ARL17A: variants seen among roughly 807,000 people sequenced by gnomAD.
ARL17A encodes the protein ADP-ribosylation factor-like 17-like.
At chr17:46,572,970 AAAGGGAGGGAGGGAGGGAGGGAGGGAGG>A (rs1354290146) in intron 2 of ARL17A, among the ~76,000 whole-genome samples, 4 of 24,142 alleles carry the variant, frequency 1.7e-4, no homozygotes, top group Non-Finnish European at 6.6e-4. Context: ...AAAGGACAGA[AAAGGGAGGGAGGGAGGGAGGGAGGGAGG>A]AAGGGAGGAA....
intron 3 of ARL17A, among the ~76,000 whole-genome samples, chr17:46,543,678 C>T (rs1441566194): frequency 6.0e-5 from 9 of 150,868 alleles, no homozygotes; most frequent in South Asian, 2.1e-4. Flanking sequence ...CATACACACA[C>T]GGAAAGCTAA....
downstream of ARL17A, chr17:46,550,402 T>G (rs760255240): frequency 1.9e-4 from 71 of 370,626 alleles, 3 homozygotes; most frequent in Non-Finnish European, 2.4e-4. Flanking sequence ...TTTTTGTGTG[T>G]TTTTTTTTTT....
At chr17:46,525,477 C>T (rs1390257137), downstream of ARL17A, among the ~76,000 whole-genome samples, 2 of 111,780 alleles carry the variant, frequency 1.8e-5, 1 homozygote, top group African/African-American at 6.4e-5. Flanking sequence ...ATCCTAGGTA[C>T]TCAGGAGGCT....
intron 3 of ARL17A, chr17:46,540,052 T>TA (rs1227065552): frequency 2.0e-6 from 2 of 1,008,924 alleles, no homozygotes; most frequent in African/African-American, 4.0e-5. Flanking sequence ...ATTTCTTAGG[T>TA]AAAGACAGGA....
At chr17:46,542,816 T>C (rs2055626852) in intron 3 of ARL17A, among the ~76,000 whole-genome samples, 1 of 150,704 alleles carries the variant, frequency 6.6e-6, no homozygotes, top group African/African-American at 2.5e-5. Flanking sequence ...CCCCACAATA[T>C]GGCAAGCTAA....
At chr17:46,534,934 G>A (rs1477909793) in intron 4 of ARL17A, among the ~76,000 whole-genome samples, 120 of 149,122 alleles carry the variant, frequency 8.0e-4, no homozygotes, top group Non-Finnish European at 8.4e-4. Flanking sequence ...CAGATGGGGC[G>A]GCTGCCAGGC....
chr17:46,532,289 T>C (rs573706907), intron 4 of ARL17A, among the ~76,000 whole-genome samples: 6 of 150,162 alleles, frequency 4.0e-5, no homozygotes, highest in Non-Finnish European at 5.9e-5. Context: ...ATCTGCTTCA[T>C]GTTTACAGAA....
Position 46,558,216 on chromosome 17 carries a change from T to C in ARL17A, c.260-586A>G, listed in dbSNP as rs1453769392. Among the ~76,000 whole-genome samples the C allele has an allele frequency of 2.4e-4, 25 of 102,786 alleles. No individual in the cohort carries two copies. In the South Asian group the frequency reaches 5.1e-3, roughly 21 times the overall value. The allele number at this position is 102,786 out of a possible 152,430, so 67.4% of individuals were successfully genotyped here. A position where few individuals can be genotyped will look rare whatever the true frequency, so the allele number is the denominator to read the frequency against. On this transcript the variant is annotated intron_variant, in intron 3 of 3. Coordinates refer to ENST00000336125, the MANE Select transcript of ARL17A (RefSeq NM_001113738.2). Reference sequence around the variant, plus strand: ...CTGGGGTTACAGGCATGCACCACCATGCCCGGCTAATTTTTGTATTTTTAG... The same window carrying C: ...CTGGGGTTACAGGCATGCACCACCACGCCCGGCTAATTTTTGTATTTTTAG...
rs2056938951 is a variant in ARL17A at position 46,552,977 on chromosome 17, C to A, written c.*4379G>T. Among the ~76,000 whole-genome samples the A allele has an allele frequency of 7.0e-6, 1 of 142,224 alleles. No homozygotes were observed. Among genetic ancestry groups the A allele is most frequent in the African/African-American group, 2.8e-5 (1 of 35,560 alleles). The allele number at this position is 142,224 out of a possible 152,430, so 93.3% of individuals were successfully genotyped here. A position where few individuals can be genotyped will look rare whatever the true frequency, so the allele number is the denominator to read the frequency against. On this transcript the variant is annotated 3_prime_UTR_variant, in exon 4 of 4. Coordinates refer to ENST00000336125, the MANE Select transcript of ARL17A (RefSeq NM_001113738.2). ...GGCTGAGGTGGGCGGATCACTGGAG[C>A]CCAGGAGGTTGAGGCTACAGTGAGC...
rs1486340044 is a variant in ARL17A, at chr17:46,569,284, G to C, written c.259+1475C>G. On this transcript the variant is annotated intron_variant, in intron 3 of 3. Coordinates refer to ENST00000336125, the MANE Select transcript of ARL17A (RefSeq NM_001113738.2). ...GATACAACTGGAGAAATTAGAATAA[G>C]GACTAGGTGCTAGATATTAAAGAAT... 8.8e-4 allele frequency among the ~76,000 whole-genome samples: 132 copies of C among 150,176 alleles called. 1 individual carries two copies. The highest frequency in any genetic ancestry group is 3.1e-3 in the African/African-American group (125 of 40,464).
downstream of ARL17A, among the ~76,000 whole-genome samples, chr17:46,525,683 G>A (rs538199537): frequency 0.021 from 2,460 of 118,268 alleles, 113 homozygotes; most frequent in African/African-American, 0.069. Flanking sequence ...GGCAACACCA[G>A]GAAAACACTG....
At chr17:46,512,946 A>T, downstream of ARL17A, 2 of 777,460 alleles carry the variant, frequency 2.6e-6, no homozygotes, top group Non-Finnish European at 3.9e-6. Context: ...CTACTCTCCC[A>T]GCAGACCCGT....
At chr17:46,512,888 C>T, downstream of ARL17A, 1 of 803,170 alleles carries the variant, frequency 1.2e-6, no homozygotes, top group Non-Finnish European at 1.9e-6. Flanking sequence ...CCGCCTGACT[C>T]CTGGTCTTCC....
At chr17:46,501,489 A>T in the ARL17A span, among the ~76,000 whole-genome samples, 1 of 151,264 alleles carries the variant, frequency 6.6e-6, no homozygotes, top group South Asian at 2.1e-4. Context: ...ATTTACCTTT[A>T]TGTGAATTTA....
chr17:46,520,704 C>T (rs1191840902), intron 3 of ARL17A, among the ~76,000 whole-genome samples: 2 of 31,208 alleles, frequency 6.4e-5, no homozygotes, highest in African/African-American at 2.6e-4. Flanking sequence ...AAGAAATATG[C>T]GAGAGATCAT....
At chr17:46,525,748 G>C (rs931853190), downstream of ARL17A, among the ~76,000 whole-genome samples, 1 of 94,534 alleles carries the variant, frequency 1.1e-5, no homozygotes, top group African/African-American at 4.3e-5. Context: ...AGAGTGTCAT[G>C]TCCATTTGTG....
intron 3 of ARL17A, among the ~76,000 whole-genome samples, chr17:46,542,522 TATAGATATAG>T (rs1181065629): frequency 7.5e-5 from 11 of 146,912 alleles, no homozygotes; most frequent in African/African-American, 1.1e-4. Context: ...AGGATATATA[TATAGATATAG>T]ATATATATAT....
At chr17:46,534,307 C>A (rs1186677101) in intron 4 of ARL17A, among the ~76,000 whole-genome samples, 1 of 141,682 alleles carries the variant, frequency 7.1e-6, no homozygotes, top group Non-Finnish European at 1.5e-5. Flanking sequence ...AACAAGTGAA[C>A]AAAGGTCTCT....
At chr17:46,527,617 GTCTTC>G (rs1350783498), downstream of ARL17A, among the ~76,000 whole-genome samples, 1 of 93,486 alleles carries the variant, frequency 1.1e-5, no homozygotes, top group African/African-American at 4.5e-5. Flanking sequence ...GTAACAAGCT[GTCTTC>G]TCTTCTCACA....
Sources: allele counts gnomAD v4.1 joint callset (sites outside exome capture counted in the v4.1 genomes callset), GRCh38; gene constraint gnomAD v4.1.1; transcripts MANE v1.5; gene names NCBI Gene and HGNC (gene_info 2026-07-23, HGNC 2026-07-21).